Variants in RAP1B observed in about 807,000 individuals in gnomAD.
The protein encoded by RAP1B is ras-related protein Rap-1b.
RAP1B carries 1 observed loss-of-function variant against 27.5 expected under a neutral mutation model. The ratio of observed to expected loss-of-function variants is 0.04; its 90% CI spans 0.01 to 0.17. The LOEUF (loss-of-function observed/expected upper bound fraction) is 0.17, where lower values mean the gene tolerates loss of function less well. Among genes scored for constraint, RAP1B ranks in the 10% least tolerant of loss-of-function variants. The probability of loss-of-function intolerance (pLI) is 1.00; values close to 1 mark genes in which losing one functional copy is unlikely to be tolerated. For synonymous variants in RAP1B, 75 were observed against 73.1 expected (o/e 1.03, Z -0.13); for missense variants, 84 against 214.8 (o/e 0.39, Z 3.81).
At chr12:68,633,912 A>T (rs2135938168) in intron 1 of RAP1B, among the ~76,000 whole-genome samples, 1 of 152,292 alleles carries the variant, frequency 6.6e-6, no homozygotes, top group East Asian at 1.9e-4. Flanking sequence ...GGTCATTGAA[A>T]TTGAGGTGTA....
chr12:68,654,532 C>T (rs1030302359), intron 5 of RAP1B, among the ~76,000 whole-genome samples: 3 of 151,548 alleles, frequency 2.0e-5, no homozygotes, highest in South Asian at 2.1e-4. Flanking sequence ...TGCACTGTTG[C>T]CCAGGCTGAA....
intron 1 of RAP1B, among the ~76,000 whole-genome samples, chr12:68,614,478 A>G (rs1443070438): frequency 1.3e-5 from 2 of 152,178 alleles, no homozygotes; most frequent in East Asian, 3.8e-4. Flanking sequence ...TGAATTAGCT[A>G]TTTACTGCTG....
rs1873130625 is a variant in RAP1B, at chr12:68,642,999, G to T, written c.-26-5700G>T. 6 of 791,604 alleles carry T rather than the reference G, an allele frequency of 7.6e-6. No individual in the cohort carries two copies. The South Asian group carries it at 8.1e-5, about 11-fold the overall frequency. The allele number at this position is 791,604 out of a possible 1,614,324, so 49.0% of individuals were successfully genotyped here. ...GCAAGTTTTCGCCCAGCCATGTTGG[G>T]ATTCTTCACCGACCCTGGCTGCCCA... is the stretch of plus-strand genomic sequence containing the variant. On this transcript the variant is annotated intron_variant, in intron 1 of 7. Coordinates refer to ENST00000250559, the MANE Select transcript of RAP1B (RefSeq NM_001010942.3).
chr12:68,633,036 G>A (rs1328383488), intron 1 of RAP1B, among the ~76,000 whole-genome samples: 3 of 152,140 alleles, frequency 2.0e-5, no homozygotes, highest in Non-Finnish European at 4.4e-5. Flanking sequence ...GTGTTTTATT[G>A]TGAGAAGCTC....
chr12:68,619,203 A>G (rs937260231), intron 1 of RAP1B, among the ~76,000 whole-genome samples: 1 of 152,238 alleles, frequency 6.6e-6, no homozygotes, highest in African/African-American at 2.4e-5. Context: ...TCTTCATATA[A>G]TGCCATTTTT....
At chr12:68,648,596 A>G (rs1051643685) in intron 1 of RAP1B, 103 bp from the exon 2 acceptor site, 90 of 957,968 alleles carry the variant, frequency 9.4e-5, no homozygotes, top group Non-Finnish European at 1.3e-4. Flanking sequence ...TTGTATAGTA[A>G]TCATTTTAAA....
At chr12:68,656,745 TAG>T (rs1874235523) in intron 6 of RAP1B, 1 of 527,360 alleles carries the variant, frequency 1.9e-6, no homozygotes, top group Non-Finnish European at 3.3e-6. Context: ...ATATGAAAAA[TAG>T]AGTAAAATTC....
At chr12:68,611,986 G>C (rs768133722) in intron 1 of RAP1B, among the ~76,000 whole-genome samples, 2 of 152,022 alleles carry the variant, frequency 1.3e-5, no homozygotes, top group African/African-American at 2.4e-5. Flanking sequence ...CTTCCCCTTC[G>C]CTTTCCCCCC....
rs1460794973 is a variant in RAP1B at position 68,669,115 on chromosome 12, A to C, written c.*9866A>C. 1.3e-5 allele frequency: 2 copies of C among 152,208 alleles called. No individual in the cohort carries two copies. Among genetic ancestry groups the C allele is most frequent in the Non-Finnish European group, 2.9e-5 (2 of 68,044 alleles). 9.4% of individuals were successfully genotyped at this position (152,208 alleles called of 1,614,324 possible). On this transcript the variant is annotated 3_prime_UTR_variant, in exon 8 of 8. Transcript: ENST00000250559. ...GAACTTGGCTGGATATAAGATAAGC[A>C]TGCCAAAAATCAATAGCTTTTCTTT...
chr12:68,631,024 T>C (rs1169525293), intron 1 of RAP1B, among the ~76,000 whole-genome samples: 6 of 152,144 alleles, frequency 3.9e-5, no homozygotes, highest in Admixed American at 3.9e-4. Flanking sequence ...TGTTAATACA[T>C]GTGAGGTTGT....
chr12:68,655,654 G>T (rs2135968479), intron 5 of RAP1B, among the ~76,000 whole-genome samples: 1 of 150,942 alleles, frequency 6.6e-6, no homozygotes, highest in Non-Finnish European at 1.5e-5. Flanking sequence ...TCCTGTGTCA[G>T]CCTCCCAAGT....
chr12:68,626,165 C>T lies in RAP1B; in HGVS notation c.-27+15122C>T, dbSNP rs149697926. Among the ~76,000 whole-genome samples the T allele has an allele frequency of 2.6e-3, 397 of 152,196 alleles. 3 individuals carry two copies. The highest frequency in any genetic ancestry group is 9.1e-3 in the African/African-American group (377 of 41,502). On this transcript the variant is annotated intron_variant, in intron 1 of 7. Transcript: ENST00000250559. ...GGAGGGTGGTGGTTTGCAAAAGCAC[C>T]ACCCCACTTAAGCATTTATATTGAG...
rs1874566103 is a variant in RAP1B at position 68,661,013 on chromosome 12, T to C, written c.*1764T>C. The C allele has an allele frequency of 6.6e-6, 1 of 152,216 alleles. No homozygotes were observed. The highest frequency in any genetic ancestry group is 2.4e-5 in the African/African-American group (1 of 41,444). The allele number at this position is 152,216 out of a possible 1,614,324, so 9.4% of individuals were successfully genotyped here. A position where few individuals can be genotyped will look rare whatever the true frequency, so the allele number is the denominator to read the frequency against. On this transcript the variant is annotated 3_prime_UTR_variant, in exon 8 of 8. Transcript: ENST00000250559. ...TAAGAACTGAATTCTTATAGAATTA[T>C]TTTAAAACTTTTTAAAAATTGTAAA...
chr12:68,627,547 T>C (rs1387213658), intron 1 of RAP1B, among the ~76,000 whole-genome samples: 2 of 152,182 alleles, frequency 1.3e-5, no homozygotes, highest in Non-Finnish European at 2.9e-5. Context: ...ACCTTGAAAC[T>C]TCACCTCTCG....
At chr12:68,641,858 T>G (rs1294577101) in intron 1 of RAP1B, among the ~76,000 whole-genome samples, 1 of 152,192 alleles carries the variant, frequency 6.6e-6, no homozygotes, top group African/African-American at 2.4e-5. Context: ...TTGATAGCTT[T>G]CTTTAGAAAT....
At chr12:68,627,434 CTAA>C (rs1261198686) in intron 1 of RAP1B, 2 of 441,206 alleles carry the variant, frequency 4.5e-6, no homozygotes, top group Non-Finnish European at 8.4e-6. Context: ...AGAGATTTTA[CTAA>C]TAATAGTGTT....
chr12:68,614,258 T>C (rs1870821004), intron 1 of RAP1B, among the ~76,000 whole-genome samples: 1 of 152,244 alleles, frequency 6.6e-6, no homozygotes, highest in Non-Finnish European at 1.5e-5. Flanking sequence ...TGACCGATTT[T>C]ACAAGGTGTC....
chr12:68,649,091 G>A, intron 2 of RAP1B: 1 of 247,550 alleles, frequency 4.0e-6, no homozygotes, highest in Non-Finnish European at 7.6e-6. Context: ...ATAAATTTTG[G>A]TCTTTTTATT....
rs1275633643 is a variant in RAP1B at position 68,667,209 on chromosome 12, A to T, written c.*7960A>T. ...ACGCATCCCACCTTTAATCAGACAT[A>T]TGTGATTCATATGAGAGAAAATTAG... On this transcript the variant is annotated 3_prime_UTR_variant, in exon 8 of 8. Coordinates refer to ENST00000250559, the MANE Select transcript of RAP1B (RefSeq NM_001010942.3). 12 of 152,206 alleles carry T rather than the reference A, an allele frequency of 7.9e-5. No homozygotes were observed. Among genetic ancestry groups the T allele is most frequent in the Admixed American group, 7.9e-4 (12 of 15,282 alleles). The allele number at this position is 152,206 out of a possible 1,614,324, so 9.4% of individuals were successfully genotyped here.
Sources: gnomAD v4.1 joint callset for allele counts (sites outside exome capture counted in the v4.1 genomes callset) on GRCh38, gnomAD v4.1.1 for gene constraint, MANE v1.5 for transcripts, NCBI Gene and HGNC (gene_info 2026-07-23, HGNC 2026-07-21) for gene names.